The following SAMM50 variants were observed in gnomAD, a reference collection of about 807,000 sequenced individuals.
SAMM50 encodes sorting and assembly machinery component 50 homolog.
SAMM50 carries 47 observed loss-of-function variants against 66.9 expected under a neutral mutation model. The ratio of observed to expected loss-of-function variants is 0.70; its 90% confidence interval spans 0.56 to 0.90. SAMM50 has a LOEUF of 0.90. Among genes scored for constraint, SAMM50 ranks in the 40% least tolerant of loss-of-function variants. SAMM50 has a pLI of 0.00. For synonymous variants in SAMM50, 191 were observed against 214.1 expected, an observed-to-expected ratio of 0.89 and a Z score of 0.94; for missense variants, 535 against 595.3, an observed-to-expected ratio of 0.90 and a Z score of 1.05.
In SAMM50 at chr22:43,959,018, C is replaced by CTT. The variant is rs11337908; in HGVS notation, c.21+3437_21+3438dup. On this transcript the variant is annotated intron_variant, in intron 1 of 14. Transcript: ENST00000350028. ...TATGTATTGTTATATTTTCAGTTTT[C>CTT]TTTTTTTTTTTTTTTTTTGAGATGG... Among the ~76,000 whole-genome samples, 835 of 112,614 alleles carry CTT rather than the reference C, an allele frequency of 7.4e-3. 6 individuals are homozygous for CTT. The highest frequency in any genetic ancestry group is 0.026 in the African/African-American group (763 of 28,820). 73.9% of individuals were successfully genotyped at this position (112,614 alleles called of 152,430 possible).
intron 14 of SAMM50, among the ~76,000 whole-genome samples, chr22:43,994,316 G>C (rs1268344083): frequency 6.6e-6 from 1 of 152,042 alleles, no homozygotes; most frequent in Non-Finnish European, 1.5e-5. Flanking sequence ...TTGCCTTCCA[G>C]CCCCGCTGAC....
rs1417474474 is a variant in SAMM50 at position 43,981,495 on chromosome 22, A to G, written c.1007+34A>G. On this transcript the variant is annotated intron_variant, in intron 11 of 14. Transcript: ENST00000350028. ...TAATCAATGAATGGATAATTTGCAC[A>G]TATTTTCCTTTGGATCTTTTCAGTT... The G allele has an allele frequency of 2.8e-6, 4 of 1,453,492 alleles. No individual in the cohort carries two copies. The East Asian group carries it at 9.1e-5, about 33-fold the overall frequency. 90.0% of individuals were successfully genotyped at this position (1,453,492 alleles called of 1,614,324 possible). A position where few individuals can be genotyped will look rare whatever the true frequency, so the allele number is the denominator to read the frequency against.
At chr22:43,957,735 C>T (rs1405006710) in intron 1 of SAMM50, among the ~76,000 whole-genome samples, 1 of 151,754 alleles carries the variant, frequency 6.6e-6, no homozygotes, top group African/African-American at 2.4e-5. Context: ...ATTATAACTA[C>T]ATTTCTGTCC....
At chr22:43,996,201 C>T in intron 14 of SAMM50, 137 bp from the exon 15 acceptor site, 2 of 933,172 alleles carry the variant, frequency 2.1e-6, no homozygotes, top group Non-Finnish European at 3.5e-6. Flanking sequence ...GAGGGTGAGG[C>T]CGGCAGCCAG....
chr22:43,955,454 C>G lies in SAMM50; in HGVS notation c.-124C>G. 1 of 1,144,532 alleles carries G rather than the reference C, an allele frequency of 8.7e-7. No individual in the cohort carries two copies. Among genetic ancestry groups the G allele is most frequent in the Non-Finnish European group, 1.3e-6 (1 of 788,124 alleles). The allele number at this position is 1,144,532 out of a possible 1,614,324, so 70.9% of individuals were successfully genotyped here. On this transcript the variant is annotated 5_prime_UTR_variant, in exon 1 of 15. Coordinates refer to ENST00000350028, the MANE Select transcript of SAMM50 (RefSeq NM_015380.5). Reference sequence around the variant, plus strand: ...CATGGCCGCCCCCAGTGTTCCGCGTCCGGGGGTTTGTGGGAGTTGCCTTGA... The same window carrying G: ...CATGGCCGCCCCCAGTGTTCCGCGTGCGGGGGTTTGTGGGAGTTGCCTTGA...
intron 12 of SAMM50, chr22:43,986,501 A>G (rs922023052): frequency 2.6e-5 from 4 of 151,736 alleles, no homozygotes; most frequent in African/African-American, 9.7e-5. Context: ...TTAAAACATC[A>G]TTTAAGTGGA....
intron 7 of SAMM50, among the ~76,000 whole-genome samples, chr22:43,973,798 G>A (rs1001974573): frequency 6.6e-6 from 1 of 152,092 alleles, no homozygotes; most frequent in Non-Finnish European, 1.5e-5. Context: ...TTTTAGTAGA[G>A]ATGGCGGTTT....
Position 43,968,835 on chromosome 22 carries a change from A to G in SAMM50, c.322+17A>G, listed in dbSNP as rs1376362389. ...CATGTCAAGGTACATATTGTGGTGT[A>G]GTATCTTTATAATTCCCTTTCTGTC... On this transcript the variant is annotated intron_variant, in intron 4 of 14. Transcript: ENST00000350028. 1 of 1,556,662 alleles carries G rather than the reference A, an allele frequency of 6.4e-7. No individual in the cohort carries two copies. Among genetic ancestry groups the G allele is most frequent in the Non-Finnish European group, 8.9e-7 (1 of 1,128,324 alleles).
intron 10 of SAMM50, among the ~76,000 whole-genome samples, chr22:43,978,366 C>G (rs2050244579): frequency 7.0e-6 from 1 of 142,756 alleles, no homozygotes; most frequent in Non-Finnish European, 1.5e-5. Context: ...ACTCCGGAGG[C>G]AGAGCTTGCA....
At chr22:43,988,820 TCAAAG>T (rs2050307402) in intron 12 of SAMM50, 1 of 275,806 alleles carries the variant, frequency 3.6e-6, no homozygotes, top group Non-Finnish European at 6.8e-6. Flanking sequence ...ACTCATTTCT[TCAAAG>T]CATTTCACAG....
intron 14 of SAMM50, among the ~76,000 whole-genome samples, chr22:43,992,302 G>A (rs374161758): frequency 6.6e-6 from 1 of 152,236 alleles, no homozygotes; most frequent in African/African-American, 2.4e-5. Flanking sequence ...GGTCCTTTAC[G>A]GTTATTGCTT....
In SAMM50 at chr22:43,958,920, A is replaced by G. The variant is rs971274258; in HGVS notation, c.21+3322A>G. Among the ~76,000 whole-genome samples the G allele has an allele frequency of 4.6e-5, 7 of 152,246 alleles. No individual in the cohort carries two copies. In the East Asian group the frequency reaches 1.3e-3, roughly 29 times the overall value. On this transcript the variant is annotated intron_variant, in intron 1 of 14. Transcript: ENST00000350028. ...TGATCAAGACTCAAACAGTAAGAAA[A>G]CATTTGCCATTTACCACCTAGTACT... is the stretch of plus-strand genomic sequence containing the variant.
At position 43,966,100 on chromosome 22, in the gene SAMM50, A is replaced by T. The variant is rs527628530; in HGVS notation, c.234+1547A>T. On this transcript the variant is annotated intron_variant, in intron 3 of 14. Coordinates refer to ENST00000350028, the MANE Select transcript of SAMM50 (RefSeq NM_015380.5). ...AGGGGTCCTCCCAACTTGGCCTTCC[A>T]AAGTGCTGGGATTACAGCATGAGCC... is the stretch of plus-strand genomic sequence containing the variant. Among the ~76,000 whole-genome samples the T allele has an allele frequency of 8.5e-5, 13 of 152,316 alleles. No individual in the cohort carries two copies. The East Asian group carries it at 2.5e-3, about 29-fold the overall frequency.
chr22:43,981,498 T>C (rs1319571600), intron 11 of SAMM50, 37 bp downstream of exon 11: 1 of 1,426,354 alleles, frequency 7.0e-7, no homozygotes, highest in Non-Finnish European at 9.9e-7. Flanking sequence ...TTTGCACATA[T>C]TTTCCTTTGG....
Position 43,984,015 on chromosome 22 carries a change from C to G in SAMM50, c.1075+15C>G, listed in dbSNP as rs1213739415. The G allele has an allele frequency of 1.2e-6, 2 of 1,605,422 alleles. No individual in the cohort carries two copies. The highest frequency in any genetic ancestry group is 3.4e-5 in the Admixed American group (2 of 58,694). On this transcript the variant is annotated intron_variant, in intron 12 of 14. Transcript: ENST00000350028. ...ACAGAGCGAAGGTCTGTCCTTTCCC[C>G]TCACGGCGCCAAGTCTAGAAGGCTC...
rs778925941 is a variant in SAMM50 at position 43,963,391 on chromosome 22, A to G, written c.127A>G (p.Lys43Glu). The G allele has an allele frequency of 1.9e-6, 3 of 1,599,870 alleles. No individual in the cohort carries two copies. Among genetic ancestry groups the G allele is most frequent in the Middle Eastern group, 1.7e-4 (1 of 6,024 alleles). ...AGCTAAACAGGAAATTCTTGAAAAC[A>G]AAGATGTGAGTTTTCTGTTGAAGGT... Reference protein sequence around the residue: ...PEAKQEILENKDVVVQHVHFD... With the variant: ...PEAKQEILENEDVVVQHVHFD... Residue 43 changes from lysine (K) to glutamate (E), a missense_variant, in exon 2 of 15, where the codon AAA (lysine) becomes GAA (glutamate). Coordinates refer to ENST00000350028, the MANE Select transcript of SAMM50 (RefSeq NM_015380.5).
Position 43,976,081 on chromosome 22 carries a change from T to C in SAMM50, c.675T>C (p.Thr225=). 6.2e-7 allele frequency: 1 copy of C among 1,611,794 alleles called. No homozygotes were observed. The highest frequency in any genetic ancestry group is 8.5e-7 in the Non-Finnish European group (1 of 1,177,956). ...TTCCCATATGGAAGACCAGCCACAC[T>C]GTCAAGTGGGAAGGCGTATGGCGAG... ...YSFPIWKTSH[T]VKWEGVWREL... is the part of the protein sequence containing the mutation. Residue 225 remains threonine, a synonymous_variant, in exon 8 of 15, where the codon ACT becomes ACC. Coordinates refer to ENST00000350028, the MANE Select transcript of SAMM50 (RefSeq NM_015380.5).
intron 10 of SAMM50, among the ~76,000 whole-genome samples, chr22:43,978,315 G>T (rs2281295): frequency 0.18 from 26,883 of 150,250 alleles, 2,792 homozygotes; most frequent in East Asian, 0.34. Flanking sequence ...GGCGCCTGAA[G>T]TCCCAGCTAC....
At chr22:43,959,653 A>G (rs895100082) in intron 1 of SAMM50, among the ~76,000 whole-genome samples, 1 of 152,042 alleles carries the variant, frequency 6.6e-6, no homozygotes, top group South Asian at 2.1e-4. Flanking sequence ...AGGTACAGAC[A>G]TGAGCTACTG....
Sources: gnomAD v4.1 joint callset for allele counts (sites outside exome capture counted in the v4.1 genomes callset) on GRCh38, gnomAD v4.1.1 for gene constraint, MANE v1.5 for transcripts, NCBI Gene and HGNC (gene_info 2026-07-23, HGNC 2026-07-21) for gene names.